Variants in ERBB4 observed in about 807,000 individuals in gnomAD.
The protein encoded by ERBB4 is erb-b2 receptor tyrosine kinase 4.
ERBB4 carries 42 observed loss-of-function variants against 158.0 expected under a neutral mutation model. The observed-to-expected ratio is 0.27, with a 90% confidence interval of 0.21 to 0.34. The LOEUF (loss-of-function observed/expected upper bound fraction) is 0.34. ERBB4 is among the 10% of genes least tolerant of loss of function. ERBB4 has a pLI of 1.00. For missense variants in ERBB4, 1,333 were observed against 1,624.1 expected (o/e 0.82, Z 3.08); for synonymous variants, 583 against 558.7 (o/e 1.04, Z -0.61).
At chr2:212,344,046 A>C (rs1317111712) in intron 1 of ERBB4, among the ~76,000 whole-genome samples, 1 of 152,166 alleles carries the variant, frequency 6.6e-6, no homozygotes, top group Non-Finnish European at 1.5e-5. Context: ...TTTTAAATTT[A>C]TTTTGCATAA....
At chr2:211,608,789 A>G (rs1451550118) in intron 19 of ERBB4, among the ~76,000 whole-genome samples, 1 of 152,150 alleles carries the variant, frequency 6.6e-6, no homozygotes, top group East Asian at 1.9e-4. Flanking sequence ...GTAATTAGAA[A>G]AGGGGCAGGA....
chr2:211,580,899 A>G (rs1225135833), intron 19 of ERBB4, among the ~76,000 whole-genome samples: 63 of 5,584 alleles, frequency 0.011, 1 homozygote, highest in African/African-American at 0.037. Flanking sequence ...ATATATATAT[A>G]TATATATATA....
chr2:211,915,327 C>T (rs527639179), intron 3 of ERBB4, among the ~76,000 whole-genome samples: 1 of 152,036 alleles, frequency 6.6e-6, no homozygotes, highest in East Asian at 1.9e-4. Context: ...CATTTATTCC[C>T]TTCAATAACA....
At chr2:211,628,479 T>C (rs2125867667) in intron 17 of ERBB4, among the ~76,000 whole-genome samples, 1 of 152,322 alleles carries the variant, frequency 6.6e-6, no homozygotes, top group South Asian at 2.1e-4. Context: ...TTCATCCATG[T>C]CCCTACAAAG....
intron 2 of ERBB4, among the ~76,000 whole-genome samples, chr2:211,957,441 T>C (rs2081064305): frequency 6.6e-6 from 1 of 152,128 alleles, no homozygotes; most frequent in Admixed American, 6.6e-5. Flanking sequence ...AATAAATATC[T>C]GTTGTTTAAG....
At chr2:212,046,009 C>T (rs1056938592) in intron 2 of ERBB4, among the ~76,000 whole-genome samples, 10 of 152,188 alleles carry the variant, frequency 6.6e-5, no homozygotes, top group Admixed American at 4.6e-4. Context: ...CAGGGATTCT[C>T]TCATTCAAGC....
At chr2:212,453,525 T>C (rs1688114371) in intron 1 of ERBB4, among the ~76,000 whole-genome samples, 1 of 152,232 alleles carries the variant, frequency 6.6e-6, no homozygotes, top group Non-Finnish European at 1.5e-5. Context: ...CTTATTTAAA[T>C]ATATTGCATT....
chr2:211,429,866 A>G (rs907127314), intron 21 of ERBB4, among the ~76,000 whole-genome samples: 9 of 152,226 alleles, frequency 5.9e-5, no homozygotes, highest in Admixed American at 2.0e-4. Context: ...ATTTAAAGCT[A>G]TAATGAATCT....
intron 19 of ERBB4, among the ~76,000 whole-genome samples, chr2:211,585,833 C>T (rs1331632309): frequency 6.6e-6 from 1 of 152,040 alleles, no homozygotes; most frequent in Non-Finnish European, 1.5e-5. Context: ...GGAAAAATTA[C>T]TCCAAAATAA....
chr2:212,212,436 A>T (rs908950520), intron 1 of ERBB4, among the ~76,000 whole-genome samples: 2 of 152,122 alleles, frequency 1.3e-5, no homozygotes, highest in South Asian at 4.1e-4. Context: ...ATGGAAAAAC[A>T]TTCCATCCTC....
At chr2:211,612,883 T>A (rs1238320126) in intron 19 of ERBB4, among the ~76,000 whole-genome samples, 1 of 151,996 alleles carries the variant, frequency 6.6e-6, no homozygotes, top group Admixed American at 6.6e-5. Context: ...TACTCTCGAA[T>A]TGGAGGTTGG....
chr2:212,282,260 T>C (rs1421683368), intron 1 of ERBB4, among the ~76,000 whole-genome samples: 1 of 151,882 alleles, frequency 6.6e-6, no homozygotes, highest in Non-Finnish European at 1.5e-5. Context: ...GCAAATAAAA[T>C]TCAGAAAGCT....
At chr2:211,932,763 T>TAGTA (rs2125102526) in intron 3 of ERBB4, among the ~76,000 whole-genome samples, 1 of 152,152 alleles carries the variant, frequency 6.6e-6, no homozygotes, top group South Asian at 2.1e-4. Flanking sequence ...TGTTTCTTAC[T>TAGTA]AAGTCATATT....
intron 2 of ERBB4, among the ~76,000 whole-genome samples, chr2:212,001,993 A>G (rs1469676620): frequency 6.6e-6 from 1 of 152,202 alleles, no homozygotes; most frequent in Non-Finnish European, 1.5e-5. Flanking sequence ...ATTTTGGCGT[A>G]CATTTATGTA....
chr2:212,149,460 G>A lies in ERBB4; in HGVS notation c.83-24557C>T, dbSNP rs1186529321. On this transcript the variant is annotated intron_variant, in intron 1 of 27. Transcript: ENST00000342788. ...TTGAACATGAAAATAAACAACTTAT[G>A]AAATCGGATAATATTTGAAGGCAAC... 2.6e-5 allele frequency among the ~76,000 whole-genome samples: 4 copies of A among 152,142 alleles called. No homozygotes were observed. In the East Asian group the frequency reaches 7.7e-4, roughly 29 times the overall value.
intron 1 of ERBB4, among the ~76,000 whole-genome samples, chr2:212,518,384 A>C (rs2106305089): frequency 6.6e-6 from 1 of 152,182 alleles, no homozygotes; most frequent in South Asian, 2.1e-4. Flanking sequence ...TCTCAGTTAC[A>C]AATTATATGA....
At chr2:212,021,445 A>C (rs2076647104) in intron 2 of ERBB4, among the ~76,000 whole-genome samples, 1 of 152,184 alleles carries the variant, frequency 6.6e-6, no homozygotes, top group Non-Finnish European at 1.5e-5. Context: ...ACCTTCGACA[A>C]ACCTGATGAA....
At chr2:211,468,779 C>G (rs1042437183) in intron 20 of ERBB4, among the ~76,000 whole-genome samples, 1 of 152,066 alleles carries the variant, frequency 6.6e-6, no homozygotes, top group African/African-American at 2.4e-5. Flanking sequence ...TATCATGGTG[C>G]TTTCATCATT....
chr2:211,744,815 T>C (rs546127194), intron 5 of ERBB4, among the ~76,000 whole-genome samples: 1 of 152,358 alleles, frequency 6.6e-6, no homozygotes, highest in African/African-American at 2.4e-5. Flanking sequence ...TTAATACTTT[T>C]TTCTCTTTTC....
Sources: gnomAD v4.1 joint callset for allele counts (sites outside exome capture counted in the v4.1 genomes callset) on GRCh38, gnomAD v4.1.1 for gene constraint, MANE v1.5 for transcripts, NCBI Gene and HGNC (gene_info 2026-07-23, HGNC 2026-07-21) for gene names.